DAAM1: variants seen among roughly 807,000 people sequenced by gnomAD.
The protein encoded by DAAM1 is disheveled-associated activator of morphogenesis 1.
DAAM1 carries 52 observed loss-of-function variants against 130.0 expected under a neutral mutation model. That is an observed-to-expected ratio of 0.40 (90% CI 0.32 to 0.50). The LOEUF (loss-of-function observed/expected upper bound fraction) is 0.50, where lower values mean the gene tolerates loss of function less well. DAAM1 is among the 20% of genes least tolerant of loss of function. DAAM1 has a pLI of 0.61. For synonymous variants in DAAM1, 452 were observed against 444.5 expected, an observed-to-expected ratio of 1.02 and a Z score of -0.21; for missense variants, 1,134 against 1,303.8, an observed-to-expected ratio of 0.87 and a Z score of 2.01.
intron 1 of DAAM1, among the ~76,000 whole-genome samples, chr14:59,254,876 G>A (rs185679703): frequency 6.6e-6 from 1 of 152,318 alleles, no homozygotes; most frequent in Admixed American, 6.5e-5. Flanking sequence ...TGGGCATAGT[G>A]TTTCTGGCAG....
intron 17 of DAAM1, among the ~76,000 whole-genome samples, chr14:59,350,528 C>G (rs560379134): frequency 1.5e-3 from 229 of 152,204 alleles, no homozygotes; most frequent in African/African-American, 5.3e-3. Context: ...CATCTAGCTA[C>G]TGTCTTCTCT....
chr14:59,266,195 A>G (rs1332417485), intron 2 of DAAM1: 2 of 152,096 alleles, frequency 1.3e-5, no homozygotes, highest in African/African-American at 4.8e-5. Context: ...ACCAAAGGAC[A>G]TAGGTGTTGC....
intron 15 of DAAM1, among the ~76,000 whole-genome samples, chr14:59,339,450 A>G (rs1885759740): frequency 6.6e-6 from 1 of 152,186 alleles, no homozygotes; most frequent in Non-Finnish European, 1.5e-5. Context: ...TAGCTTACAG[A>G]TTTCTATACA....
chr14:59,310,413 G>A (rs896545001), intron 3 of DAAM1, among the ~76,000 whole-genome samples: 1 of 152,104 alleles, frequency 6.6e-6, no homozygotes, highest in African/African-American at 2.4e-5. Flanking sequence ...GATTACAGGT[G>A]TGAGCCACCG....
intron 1 of DAAM1, among the ~76,000 whole-genome samples, chr14:59,233,833 T>A (rs1301864132): frequency 6.6e-6 from 1 of 152,248 alleles, no homozygotes; most frequent in African/African-American, 2.4e-5. Flanking sequence ...GGGTCCAGTT[T>A]CAGTTTTCTG....
At position 59,369,684 on chromosome 14, in the gene DAAM1, AACC is replaced by A. The variant is rs1204899171; in HGVS notation, c.*826_*828del. 4.6e-5 allele frequency: 7 copies of A among 150,762 alleles called. No homozygotes were observed. The highest frequency in any genetic ancestry group is 1.5e-5 in the Non-Finnish European group (1 of 67,728). The allele number at this position is 150,762 out of a possible 1,614,324, so 9.3% of individuals were successfully genotyped here. A position where few individuals can be genotyped will look rare whatever the true frequency, so the allele number is the denominator to read the frequency against. ...CTTGTTCTAACAATATAGATATATA[AACC>A]TTAAAAATAATAAAATATCTCACCC... On this transcript the variant is annotated 3_prime_UTR_variant, in exon 25 of 25. Transcript: ENST00000360909.
chr14:59,229,711 G>A (rs958627783), intron 1 of DAAM1, among the ~76,000 whole-genome samples: 1 of 152,188 alleles, frequency 6.6e-6, no homozygotes, highest in African/African-American at 2.4e-5. Context: ...TGTAAAACCT[G>A]GTTGATTAAA....
At chr14:59,335,025 A>C (rs1423789516) in intron 15 of DAAM1, among the ~76,000 whole-genome samples, 1 of 152,172 alleles carries the variant, frequency 6.6e-6, no homozygotes, top group African/African-American at 2.4e-5. Flanking sequence ...TTTCTTCCTT[A>C]ATGCTCACCC....
intron 1 of DAAM1, among the ~76,000 whole-genome samples, chr14:59,246,870 T>C (rs1881405375): frequency 6.6e-6 from 1 of 152,188 alleles, no homozygotes; most frequent in African/African-American, 2.4e-5. Flanking sequence ...AAATGTCTAG[T>C]CAAGTCCTTT....
At chr14:59,326,123 A>C (rs559745090) in intron 10 of DAAM1, 46 bp downstream of exon 10, 1 of 1,553,034 alleles carries the variant, frequency 6.4e-7, no homozygotes, top group East Asian at 2.2e-5. Flanking sequence ...ATGTTTGGAC[A>C]TTGTCCTAAT....
intron 1 of DAAM1, among the ~76,000 whole-genome samples, chr14:59,230,640 C>CA (rs1005858554): frequency 6.6e-6 from 1 of 150,646 alleles, no homozygotes; most frequent in Non-Finnish European, 1.5e-5. Flanking sequence ...TTAATGGGTA[C>CA]AAAAAAACTC....
At chr14:59,200,095 C>T (rs1021140987) in intron 1 of DAAM1, among the ~76,000 whole-genome samples, 2 of 152,200 alleles carry the variant, frequency 1.3e-5, no homozygotes, top group Non-Finnish European at 2.9e-5. Flanking sequence ...GTGGATTAGA[C>T]CCTTTAGGGT....
Position 59,237,258 on chromosome 14 carries a change from AT to A in DAAM1, c.-37-26180del, listed in dbSNP as rs202060451. Among the ~76,000 whole-genome samples the A allele has an allele frequency of 1.6e-3, 238 of 152,292 alleles. 1 individual carries two copies. The highest frequency in any genetic ancestry group is 5.6e-3 in the African/African-American group (233 of 41,554). ...CAGAATAGAATGTATAGTGAAAACT[AT>A]TTGTAGCATGATGGAGATAGAAACA... is the stretch of plus-strand genomic sequence containing the variant. On this transcript the variant is annotated intron_variant, in intron 1 of 24. Transcript: ENST00000360909.
At chr14:59,201,160 C>CAAAAAAAAAAAAAAAAAAAAA (rs71111617) in intron 1 of DAAM1, among the ~76,000 whole-genome samples, 1 of 68,858 alleles carries the variant, frequency 1.5e-5, no homozygotes, top group Non-Finnish European at 2.6e-5. Context: ...GACTCCGTCT[C>CAAAAAAAAAAAAAAAAAAAAA]AAAAAAAAAA....
intron 3 of DAAM1, among the ~76,000 whole-genome samples, chr14:59,310,739 G>A (rs1226948614): frequency 1.3e-5 from 2 of 152,140 alleles, no homozygotes; most frequent in Non-Finnish European, 2.9e-5. Flanking sequence ...GTTTCAGCCA[G>A]TCTAGACAGT....
intron 17 of DAAM1, among the ~76,000 whole-genome samples, chr14:59,348,761 C>T (rs1886175553): frequency 6.6e-6 from 1 of 152,080 alleles, no homozygotes; most frequent in African/African-American, 2.4e-5. Flanking sequence ...GTGTGTTTTC[C>T]ATGGTTCTCA....
At chr14:59,218,750 C>T (rs1334308999) in intron 1 of DAAM1, among the ~76,000 whole-genome samples, 1 of 152,080 alleles carries the variant, frequency 6.6e-6, no homozygotes. Context: ...TAATGTCTGT[C>T]TGTTGGTTTC....
At chr14:59,328,478 T>G (rs865952315) in intron 12 of DAAM1, among the ~76,000 whole-genome samples, 3 of 152,190 alleles carry the variant, frequency 2.0e-5, no homozygotes, top group Non-Finnish European at 2.9e-5. Context: ...TTCGAGTCAT[T>G]CATTCATTCG....
rs1335815010 is a variant in DAAM1 at position 59,263,581 on chromosome 14, A to G, written c.104A>G (p.Asn35Ser). 5 of 1,614,180 alleles carry G rather than the reference A, an allele frequency of 3.1e-6. No homozygotes were observed. Among genetic ancestry groups the G allele is most frequent in the African/African-American group, 2.7e-5 (2 of 75,040 alleles). The part of the protein sequence containing the change: ...EITYRLRNDS[N>S]FALQTMEPAL... ...ACGTATCGGCTGCGAAATGATAGCA[A>G]CTTTGCGCTTCAGACCATGGAACCA... Residue 35 changes from asparagine to serine, a missense_variant, in exon 2 of 25, where the codon AAC becomes AGC. This residue lies in a region of DAAM1 where 99 missense variants were observed against 86.4 expected (regional missense o/e 1.15). Coordinates refer to ENST00000360909, the MANE Select transcript of DAAM1 (RefSeq NM_001270520.2).
Sources: allele counts gnomAD v4.1 joint callset (sites outside exome capture counted in the v4.1 genomes callset), GRCh38; gene constraint gnomAD v4.1.1; regional missense constraint gnomAD v4.1.1; transcripts MANE v1.5; gene names NCBI Gene and HGNC (gene_info 2026-07-23, HGNC 2026-07-21).